RBFOX1: variants seen among roughly 807,000 people sequenced by gnomAD.
RBFOX1 encodes RNA binding fox-1 homolog 1.
In RBFOX1, 8 loss-of-function variants were observed where a neutral mutation model predicts 57.7. The observed-to-expected ratio is 0.14, with a 90% CI of 0.08 to 0.25. RBFOX1 has a LOEUF of 0.25. Ranked by LOEUF, RBFOX1 falls within the 10% of genes least tolerant of loss-of-function variation. The pLI is 1.00. For missense variants in RBFOX1, 611 were observed against 548.5 expected (o/e 1.11, Z -1.14); for synonymous variants, 326 against 222.4 (o/e 1.47, Z -4.15).
chr16:5,275,032 A>C (rs1423679017), intron 1 of RBFOX1, among the ~76,000 whole-genome samples: 1 of 152,202 alleles, frequency 6.6e-6, no homozygotes, highest in East Asian at 1.9e-4. Context: ...TCTTCATTTG[A>C]GGTTTCTATG....
intron 2 of RBFOX1, among the ~76,000 whole-genome samples, chr16:6,601,081 T>C (rs1031725438): frequency 1.3e-5 from 2 of 152,210 alleles, no homozygotes; most frequent in Non-Finnish European, 2.9e-5. Flanking sequence ...CCAGAAATTA[T>C]AGAGTAGCAA....
chr16:7,237,200 C>T (rs1259684062), intron 4 of RBFOX1, among the ~76,000 whole-genome samples: 2 of 152,170 alleles, frequency 1.3e-5, no homozygotes, highest in African/African-American at 4.8e-5. Flanking sequence ...ACTTCCCTTG[C>T]CTGGCATCTG....
At chr16:5,868,991 A>G (rs913116873) in intron 4 of RBFOX1, among the ~76,000 whole-genome samples, 2 of 152,196 alleles carry the variant, frequency 1.3e-5, no homozygotes, top group African/African-American at 4.8e-5. Flanking sequence ...TTTGTGATGT[A>G]TAGGCTATGA....
chr16:5,317,908 A>G (rs1488027613), intron 1 of RBFOX1, among the ~76,000 whole-genome samples: 2 of 152,118 alleles, frequency 1.3e-5, no homozygotes, highest in African/African-American at 2.4e-5. Flanking sequence ...CAGAAACTCT[A>G]TATCCTAAGC....
At chr16:7,574,177 A>C (rs1489028361) in intron 5 of RBFOX1, among the ~76,000 whole-genome samples, 1 of 152,130 alleles carries the variant, frequency 6.6e-6, no homozygotes, top group Non-Finnish European at 1.5e-5. Context: ...AGGCTGATGA[A>C]AGGCTTTCCA....
chr16:6,223,180 T>C (rs1369124490), intron 1 of RBFOX1, among the ~76,000 whole-genome samples: 1 of 150,958 alleles, frequency 6.6e-6, no homozygotes, highest in African/African-American at 2.4e-5. Context: ...TGTGTCTTTA[T>C]AGCAGCATGA....
chr16:6,614,034 G>A (rs1203490144), intron 2 of RBFOX1, among the ~76,000 whole-genome samples: 1 of 152,194 alleles, frequency 6.6e-6, no homozygotes, highest in East Asian at 1.9e-4. Context: ...TTTTGTAAGT[G>A]AGTTTAGGTG....
chr16:7,250,605 T>C (rs1298653802), intron 4 of RBFOX1, among the ~76,000 whole-genome samples: 1 of 152,236 alleles, frequency 6.6e-6, no homozygotes, highest in Non-Finnish European at 1.5e-5. Flanking sequence ...ACGGGGATCA[T>C]AACTATGTAC....
intron 4 of RBFOX1, among the ~76,000 whole-genome samples, chr16:6,012,593 C>G (rs888886216): frequency 3.3e-5 from 5 of 152,180 alleles, no homozygotes; most frequent in Admixed American, 3.3e-4. Context: ...AGAAACCCTG[C>G]TATAGGCAAT....
At chr16:5,920,348 C>T (rs1450393842) in intron 4 of RBFOX1, among the ~76,000 whole-genome samples, 1 of 152,178 alleles carries the variant, frequency 6.6e-6, no homozygotes, top group Non-Finnish European at 1.5e-5. Context: ...TGTTTATTCA[C>T]TCATCGGTGG....
At chr16:6,422,730 A>C (rs1443115674) in intron 2 of RBFOX1, among the ~76,000 whole-genome samples, 1 of 152,114 alleles carries the variant, frequency 6.6e-6, no homozygotes, top group African/African-American at 2.4e-5. Flanking sequence ...CACTAGCACA[A>C]AAATAGCACC....
rs147956542 is a variant in RBFOX1 at position 7,190,633 on chromosome 16, C to G, written c.27+138535C>G. On this transcript the variant is annotated intron_variant, in intron 4 of 15. Coordinates refer to ENST00000550418, the MANE Select transcript of RBFOX1 (RefSeq NM_018723.4). The stretch of plus-strand genomic sequence containing the variant: ...ATAGAGGGTTGGTAGAGTGGTATTG[C>G]TACTCAGAAACCAGTACCACATGAA... 1.0e-2 allele frequency among the ~76,000 whole-genome samples: 1,521 copies of G among 152,192 alleles called. 30 individuals are homozygous for G. Among genetic ancestry groups the G allele is most frequent in the African/African-American group, 0.035 (1,455 of 41,520 alleles).
At position 6,790,484 on chromosome 16, in the gene RBFOX1, G is replaced by A. The variant is rs180709923; in HGVS notation, c.-16+135834G>A. ...ACAGGCGTGAGGCACTGGGCATGGC[G>A]CCCTCCATCGTTCTTTTTGTTTTGT... On this transcript the variant is annotated intron_variant, in intron 3 of 15. Coordinates refer to ENST00000550418, the MANE Select transcript of RBFOX1 (RefSeq NM_018723.4). Among the ~76,000 whole-genome samples, 484 of 152,086 alleles carry A rather than the reference G, an allele frequency of 3.2e-3. 2 individuals are homozygous for A. Among genetic ancestry groups the A allele is most frequent in the African/African-American group, 0.011 (458 of 41,488 alleles).
At chr16:5,795,706 C>T (rs1306855852) in intron 3 of RBFOX1, among the ~76,000 whole-genome samples, 4 of 152,194 alleles carry the variant, frequency 2.6e-5, no homozygotes, top group African/African-American at 7.2e-5. Flanking sequence ...TCTCTGGCCT[C>T]CTAAATAGAT....
At chr16:6,626,922 C>T (rs1377333283) in intron 2 of RBFOX1, among the ~76,000 whole-genome samples, 3 of 152,022 alleles carry the variant, frequency 2.0e-5, no homozygotes, top group Non-Finnish European at 4.4e-5. Flanking sequence ...ACACAAAGGC[C>T]CTTTGAATTG....
chr16:7,001,966 A>G (rs973414449), intron 3 of RBFOX1, among the ~76,000 whole-genome samples: 6 of 151,990 alleles, frequency 3.9e-5, no homozygotes, highest in African/African-American at 1.5e-4. Context: ...TGTGCACACG[A>G]TTGAGCACGT....
At chr16:6,260,467 C>T (rs754210883) in intron 1 of RBFOX1, among the ~76,000 whole-genome samples, 4 of 152,050 alleles carry the variant, frequency 2.6e-5, no homozygotes, top group African/African-American at 9.7e-5. Context: ...GTGGGCTAGA[C>T]TGGGATGGAG....
chr16:6,407,777 G>A (rs2093338035), intron 2 of RBFOX1, among the ~76,000 whole-genome samples: 1 of 152,210 alleles, frequency 6.6e-6, no homozygotes, highest in African/African-American at 2.4e-5. Context: ...GGGACCATCA[G>A]GGAACACAAA....
chr16:5,269,905 A>G (rs1335288298), intron 1 of RBFOX1, among the ~76,000 whole-genome samples: 2 of 152,234 alleles, frequency 1.3e-5, no homozygotes, highest in Non-Finnish European at 2.9e-5. Flanking sequence ...CTGAAATCCC[A>G]GTGCTTTGGG....
Sources: allele counts gnomAD v4.1 joint callset (sites outside exome capture counted in the v4.1 genomes callset), GRCh38; gene constraint gnomAD v4.1.1; transcripts MANE v1.5; gene names NCBI Gene and HGNC (gene_info 2026-07-23, HGNC 2026-07-21).